BCKDHB: variants seen among roughly 807,000 people sequenced by gnomAD.
BCKDHB encodes the protein branched chain keto acid dehydrogenase E1 subunit beta.
Under a neutral mutation model 48.5 loss-of-function variants are expected in BCKDHB, and 41 were observed. The observed-to-expected ratio is 0.85, with a 90% CI of 0.66 to 1.10. The LOEUF (loss-of-function observed/expected upper bound fraction) is 1.10. Among genes scored for constraint, BCKDHB ranks in the 50% least tolerant of loss-of-function variants. The pLI, the probability that BCKDHB is intolerant of heterozygous loss-of-function variation, is 0.00. For synonymous variants in BCKDHB, 201 were observed against 174.8 expected (o/e 1.15, Z -1.18); for missense variants, 496 against 494.2 (o/e 1.00, Z -0.03).
chr6:80,308,010 A>G, intron 9 of BCKDHB: 2 of 759,078 alleles, frequency 2.6e-6, no homozygotes, highest in Non-Finnish European at 3.2e-6. Flanking sequence ...AACTAAGGGG[A>G]TGGTCACTGA....
intron 9 of BCKDHB, among the ~76,000 whole-genome samples, chr6:80,314,443 G>A (rs1768332876): frequency 1.3e-5 from 2 of 152,226 alleles, no homozygotes; most frequent in Admixed American, 1.3e-4. Context: ...AAACAGCAAA[G>A]GTGGTGGCCT....
intron 4 of BCKDHB, 74 bp downstream of exon 4, chr6:80,167,885 C>A: frequency 7.1e-7 from 1 of 1,415,728 alleles, no homozygotes; most frequent in Middle Eastern, 1.8e-4. Flanking sequence ...TTCCACCCAC[C>A]CTTACCTGCA....
chr6:80,391,430 C>A, the BCKDHB span, among the ~76,000 whole-genome samples: 1 of 151,996 alleles, frequency 6.6e-6, no homozygotes, highest in Non-Finnish European at 1.5e-5. Context: ...TTGGGCACAG[C>A]CATGAAGAGA....
the BCKDHB span, among the ~76,000 whole-genome samples, chr6:80,401,274 T>C: frequency 6.6e-6 from 1 of 151,878 alleles, no homozygotes; most frequent in African/African-American, 2.4e-5. Flanking sequence ...AACATATAAA[T>C]AGCAGTTCAT....
chr6:80,358,240 T>C, the BCKDHB span, among the ~76,000 whole-genome samples: 418 of 152,274 alleles, frequency 2.7e-3, 4 homozygotes, highest in African/African-American at 9.2e-3. Context: ...CATCCTCTTA[T>C]TATTTTAAGG....
At chr6:80,150,153 C>T (rs950185899) in intron 3 of BCKDHB, among the ~76,000 whole-genome samples, 1 of 152,122 alleles carries the variant, frequency 6.6e-6, no homozygotes, top group Non-Finnish European at 1.5e-5. Context: ...AGAAGGCCCT[C>T]TCTTTCCACT....
At chr6:80,234,415 T>C (rs556005219) in intron 8 of BCKDHB, among the ~76,000 whole-genome samples, 2 of 152,246 alleles carry the variant, frequency 1.3e-5, no homozygotes, top group African/African-American at 4.8e-5. Context: ...GCTGGAGGGG[T>C]GGCAGTTTAT....
intron 9 of BCKDHB, among the ~76,000 whole-genome samples, chr6:80,310,390 A>G (rs1025462454): frequency 6.6e-6 from 1 of 152,174 alleles, no homozygotes; most frequent in Non-Finnish European, 1.5e-5. Context: ...GCTAAGGATA[A>G]TCGCTTCCAG....
In BCKDHB at chr6:80,279,798, TTG is replaced by T. The variant is rs532145442; in HGVS notation, c.1038+6579_1038+6580del. ...GCATTTCATCCAAGAATTGGTGTCC[TTG>T]TTTTAGAGACACTTAGAGTTTATTA... is the stretch of plus-strand genomic sequence containing the variant. On this transcript the variant is annotated intron_variant, in intron 9 of 9. Coordinates refer to ENST00000320393, the MANE Select transcript of BCKDHB (RefSeq NM_183050.4). Among the ~76,000 whole-genome samples, 672 of 152,310 alleles carry T rather than the reference TTG, an allele frequency of 4.4e-3. 1 individual carries two copies. Among genetic ancestry groups the T allele is most frequent in the Admixed American group, 7.3e-3 (112 of 15,292 alleles).
At chr6:80,290,867 A>G (rs965158080) in intron 9 of BCKDHB, among the ~76,000 whole-genome samples, 3 of 152,222 alleles carry the variant, frequency 2.0e-5, no homozygotes, top group Admixed American at 2.0e-4. Flanking sequence ...TGGATTATTT[A>G]TGCCTCCCCT....
At chr6:80,443,956 C>T in the BCKDHB span, among the ~76,000 whole-genome samples, 1 of 151,464 alleles carries the variant, frequency 6.6e-6, no homozygotes, top group African/African-American at 2.4e-5. Flanking sequence ...ACTGATTGAA[C>T]CAAGTTTAAA....
chr6:80,190,753 G>C (rs73479968), intron 6 of BCKDHB, among the ~76,000 whole-genome samples: 10,923 of 152,086 alleles, frequency 0.072, 583 homozygotes, highest in South Asian at 0.24. Context: ...TTGCCCTTCT[G>C]TGTTTTCTTC....
chr6:80,372,259 T>G, the BCKDHB span, among the ~76,000 whole-genome samples: 1 of 152,148 alleles, frequency 6.6e-6, no homozygotes, highest in East Asian at 1.9e-4. Flanking sequence ...GATTTGATTC[T>G]CAGCTTGGTC....
the BCKDHB span, among the ~76,000 whole-genome samples, chr6:80,413,817 G>A: frequency 6.4e-4 from 97 of 152,274 alleles, 1 homozygote; most frequent in African/African-American, 2.2e-3. Flanking sequence ...TATATACCCA[G>A]TAATGGGGTT....
At chr6:80,120,159 G>T (rs1456277630) in intron 1 of BCKDHB, among the ~76,000 whole-genome samples, 1 of 152,246 alleles carries the variant, frequency 6.6e-6, no homozygotes, top group East Asian at 1.9e-4. Flanking sequence ...ATGGTTTCCA[G>T]CTTCATCCAT....
intron 9 of BCKDHB, among the ~76,000 whole-genome samples, chr6:80,283,563 C>T (rs1234682535): frequency 6.6e-6 from 1 of 151,940 alleles, no homozygotes; most frequent in Non-Finnish European, 1.5e-5. Flanking sequence ...ACTGAATGGA[C>T]TATTAATTAG....
the BCKDHB span, among the ~76,000 whole-genome samples, chr6:80,423,060 A>G: frequency 6.6e-6 from 1 of 152,148 alleles, no homozygotes; most frequent in African/African-American, 2.4e-5. Context: ...TGTAATCCCC[A>G]CATGTCGAGG....
chr6:80,334,593 C>T (rs1025067464), intron 9 of BCKDHB, among the ~76,000 whole-genome samples: 2 of 151,420 alleles, frequency 1.3e-5, no homozygotes, highest in African/African-American at 4.9e-5. Flanking sequence ...TGAGCAAAAC[C>T]AAGCTTTAAA....
chr6:80,160,919 TCAG>T (rs1772280919), intron 3 of BCKDHB, among the ~76,000 whole-genome samples: 1 of 152,234 alleles, frequency 6.6e-6, no homozygotes, highest in Non-Finnish European at 1.5e-5. Context: ...ATACTATTGA[TCAG>T]CAACAAGTTT....
Sources: gnomAD v4.1 joint callset for allele counts (sites outside exome capture counted in the v4.1 genomes callset) on GRCh38, gnomAD v4.1.1 for gene constraint, MANE v1.5 for transcripts, NCBI Gene and HGNC (gene_info 2026-07-23, HGNC 2026-07-21) for gene names.